The following NRXN1 variants were observed in gnomAD, a reference collection of about 807,000 sequenced individuals.
NRXN1 encodes the protein neurexin-1.
Under a neutral mutation model 150.9 loss-of-function variants are expected in NRXN1, and 39 were observed. The observed-to-expected ratio is 0.26, with a 90% confidence interval of 0.20 to 0.34. The LOEUF (loss-of-function observed/expected upper bound fraction) is 0.34. Ranked by LOEUF, NRXN1 falls within the 10% of genes least tolerant of loss-of-function variation. NRXN1 has a pLI of 1.00. For missense variants in NRXN1, 1,815 were observed against 1,949.9 expected (o/e 0.93, Z 1.30); for synonymous variants, 924 against 757.0 (o/e 1.22, Z -3.62).
chr2:50,047,567 C>G (rs901112679), intron 21 of NRXN1, among the ~76,000 whole-genome samples: 7 of 152,030 alleles, frequency 4.6e-5, no homozygotes, highest in Non-Finnish European at 7.4e-5. Flanking sequence ...CCTTCTGGGT[C>G]TGAAGAAATG....
At chr2:50,398,263 A>C (rs1168310932) in intron 17 of NRXN1, among the ~76,000 whole-genome samples, 1 of 152,140 alleles carries the variant, frequency 6.6e-6, no homozygotes, top group Non-Finnish European at 1.5e-5. Context: ...AACAGCAAGG[A>C]ATTTTAAAAT....
intron 5 of NRXN1, among the ~76,000 whole-genome samples, chr2:50,714,543 G>C (rs933219935): frequency 6.6e-6 from 1 of 152,066 alleles, no homozygotes; most frequent in Non-Finnish European, 1.5e-5. Context: ...CAGTATATGG[G>C]TGCATAAGGT....
chr2:50,113,529 G>A (rs1702644076), intron 18 of NRXN1, among the ~76,000 whole-genome samples: 1 of 152,154 alleles, frequency 6.6e-6, no homozygotes, highest in South Asian at 2.1e-4. Context: ...CACCTTTGTA[G>A]GAAAAGGATT....
chr2:50,009,923 T>C (rs1412641374), intron 21 of NRXN1, among the ~76,000 whole-genome samples: 18 of 152,260 alleles, frequency 1.2e-4, no homozygotes, highest in African/African-American at 3.8e-4. Context: ...CTTTCTAAGA[T>C]AGTAGGAGCT....
chr2:50,258,263 G>C (rs1202572584), intron 17 of NRXN1, among the ~76,000 whole-genome samples: 1 of 152,000 alleles, frequency 6.6e-6, no homozygotes, highest in Non-Finnish European at 1.5e-5. Context: ...CAAAATTTGA[G>C]TCAATCCTCT....
intron 17 of NRXN1, among the ~76,000 whole-genome samples, chr2:50,441,436 T>C (rs1464821910): frequency 1.3e-5 from 2 of 152,184 alleles, no homozygotes; most frequent in Non-Finnish European, 2.9e-5. Flanking sequence ...AACTTTCCAT[T>C]GACACGGAAC....
At chr2:50,173,474 T>C (rs576800413) in intron 18 of NRXN1, among the ~76,000 whole-genome samples, 1 of 152,108 alleles carries the variant, frequency 6.6e-6, no homozygotes, top group African/African-American at 2.4e-5. Context: ...GAGTACAGTA[T>C]CCAAAACTAG....
chr2:50,459,114 C>T (rs1414733541), intron 17 of NRXN1, among the ~76,000 whole-genome samples: 2 of 151,816 alleles, frequency 1.3e-5, no homozygotes, highest in African/African-American at 4.8e-5. Flanking sequence ...ACAACCTAGG[C>T]CTGATCTAAC....
chr2:50,053,565 G>C lies in NRXN1; in HGVS notation c.3834C>G (p.Ser1278Arg). The C allele has an allele frequency of 6.2e-7, 1 of 1,613,982 alleles. No homozygotes were observed. The highest frequency in any genetic ancestry group is 8.5e-7 in the Non-Finnish European group (1 of 1,179,926). ...TCCCGCCAATTATTATGGTTGCTTG[G>C]CTATTGAAGATTGTGAGCTGACGCC... is the stretch of plus-strand genomic sequence containing the variant. ...DKGRQLTIFN[S>R]QATIIIGGKE... is the part of the protein sequence containing the mutation. The change falls in exon 21 of 23, where the codon AGC (serine) becomes AGG (arginine). Residue 1278 changes from serine (S) to arginine (R), a missense_variant. Physicochemically the swap from Ser to Arg is moderately radical, Grantham distance 110. Around this residue, in one of 6 missense-constraint regions of NRXN1, gnomAD observed 265 missense variants for 307.1 expected, o/e 0.86. Transcript: ENST00000401669.
intron 7 of NRXN1, 82 bp downstream of exon 7, chr2:50,621,144 A>AAAAG (rs1192025864): frequency 7.8e-7 from 1 of 1,284,870 alleles, no homozygotes; most frequent in African/African-American, 1.5e-5. Flanking sequence ...GTCTACAGTT[A>AAAAG]AAAGAAAGAA....
intron 5 of NRXN1, among the ~76,000 whole-genome samples, chr2:50,774,773 C>A (rs1703404888): frequency 6.6e-6 from 1 of 151,994 alleles, no homozygotes; most frequent in Non-Finnish European, 1.5e-5. Flanking sequence ...CTGGTTGTAT[C>A]ACTTGCTTCT....
At chr2:50,251,975 C>A (rs1330495140) in intron 17 of NRXN1, among the ~76,000 whole-genome samples, 1 of 151,976 alleles carries the variant, frequency 6.6e-6, no homozygotes, top group South Asian at 2.1e-4. Flanking sequence ...TTCTCCTATT[C>A]TGCAGGTTGT....
intron 18 of NRXN1, among the ~76,000 whole-genome samples, chr2:50,233,480 C>T (rs1353469493): frequency 1.3e-5 from 2 of 151,922 alleles, no homozygotes; most frequent in African/African-American, 2.4e-5. Context: ...AAATTATATG[C>T]CAATCAGATT....
At chr2:50,258,165 G>A (rs1438074561) in intron 17 of NRXN1, among the ~76,000 whole-genome samples, 1 of 151,972 alleles carries the variant, frequency 6.6e-6, no homozygotes, top group East Asian at 1.9e-4. Flanking sequence ...CAACAGTGCA[G>A]TTTGCTGCAT....
intron 2 of NRXN1, among the ~76,000 whole-genome samples, chr2:50,969,273 T>A (rs1575084657): frequency 6.6e-6 from 1 of 152,162 alleles, no homozygotes; most frequent in East Asian, 1.9e-4. Context: ...ATGAGACTTA[T>A]AAGAAATCTT....
chr2:50,739,268 T>C (rs1483975424), intron 5 of NRXN1: 1 of 505,222 alleles, frequency 2.0e-6, no homozygotes, highest in Non-Finnish European at 4.0e-6. Context: ...ACTTACTTTT[T>C]GATTAAAAAG....
At chr2:50,094,992 C>G (rs760937498) in intron 18 of NRXN1, among the ~76,000 whole-genome samples, 9 of 152,084 alleles carry the variant, frequency 5.9e-5, no homozygotes, top group Non-Finnish European at 8.8e-5. Context: ...ATAATACTAG[C>G]CAAGTAAGGT....
chr2:49,960,654 GAA>G (rs1436044679), intron 21 of NRXN1, among the ~76,000 whole-genome samples: 1 of 152,150 alleles, frequency 6.6e-6, no homozygotes, highest in African/African-American at 2.4e-5. Flanking sequence ...GTGGAAGAAA[GAA>G]AGTGAAAGCA....
At chr2:50,471,033 A>G (rs2104694471) in intron 16 of NRXN1, among the ~76,000 whole-genome samples, 1 of 151,954 alleles carries the variant, frequency 6.6e-6, no homozygotes, top group Admixed American at 6.6e-5. Flanking sequence ...GTGCTTTGAG[A>G]ATGGGGTATC....
Sources: gnomAD v4.1 joint callset for allele counts (sites outside exome capture counted in the v4.1 genomes callset) on GRCh38, gnomAD v4.1.1 for gene constraint, gnomAD v4.1.1 regional missense constraint, MANE v1.5 for transcripts, NCBI Gene and HGNC (gene_info 2026-07-23, HGNC 2026-07-21) for gene names.